RANBP2: variants seen among roughly 807,000 people sequenced by gnomAD.
RANBP2 encodes E3 SUMO-protein ligase RanBP2.
A neutral mutation model predicts 303.6 loss-of-function variants in RANBP2; 57 were observed. That is an observed-to-expected ratio of 0.19 (90% confidence interval 0.15 to 0.23). The LOEUF (loss-of-function observed/expected upper bound fraction) is 0.23, where lower values mean the gene tolerates loss of function less well. RANBP2 is among the 10% of genes least tolerant of loss of function. RANBP2 has a pLI of 1.00. For missense variants in RANBP2, 3,138 were observed against 3,780.8 expected (o/e 0.83, Z 4.46); for synonymous variants, 1,167 against 1,301.5 (o/e 0.90, Z 2.23).
chr2:108,811,247 C>CTTT, the RANBP2 span, among the ~76,000 whole-genome samples: 1 of 113,940 alleles, frequency 8.8e-6, no homozygotes, highest in African/African-American at 3.8e-5. Context: ...TTCTCTCTCT[C>CTTT]TTTTTTTTTT....
chr2:109,055,664 G>T, the RANBP2 span, among the ~76,000 whole-genome samples: 7 of 151,780 alleles, frequency 4.6e-5, no homozygotes, highest in East Asian at 1.2e-3. Flanking sequence ...GATTAAAGGC[G>T]TGAGCCACCA....
the RANBP2 span, among the ~76,000 whole-genome samples, chr2:109,654,732 T>C: frequency 6.6e-6 from 1 of 152,010 alleles, no homozygotes; most frequent in African/African-American, 2.4e-5. Context: ...TTATGCCAGT[T>C]AGGAACCAAT....
the RANBP2 span, among the ~76,000 whole-genome samples, chr2:109,463,368 G>C: frequency 6.6e-6 from 1 of 152,200 alleles, no homozygotes; most frequent in Admixed American, 6.5e-5. Context: ...CACCATGTGG[G>C]CCCTGCCCCC....
the RANBP2 span, among the ~76,000 whole-genome samples, chr2:109,064,478 C>A: frequency 0.26 from 21,077 of 82,080 alleles, 2,027 homozygotes; most frequent in Middle Eastern, 0.31. Context: ...AAAACAAAAA[C>A]AAACTGGTAA....
chr2:109,062,689 G>T, the RANBP2 span, among the ~76,000 whole-genome samples: 1 of 152,276 alleles, frequency 6.6e-6, no homozygotes. Flanking sequence ...TCCGAACAGC[G>T]AATCCTCATG....
chr2:109,167,181 A>G, the RANBP2 span, among the ~76,000 whole-genome samples: 21 of 152,342 alleles, frequency 1.4e-4, no homozygotes, highest in East Asian at 3.9e-3. Flanking sequence ...CATTTTTTCC[A>G]GAACCAGGAT....
chr2:109,170,300 TTCTCTTCTCTTCTCTCCTCTC>T, the RANBP2 span, among the ~76,000 whole-genome samples: 2 of 121,310 alleles, frequency 1.6e-5, no homozygotes, highest in Non-Finnish European at 1.7e-5. Flanking sequence ...TTCTCTTCTC[TTCTCTTCTCTTCTCTCCTCTC>T]TCTCTCTCCT....
intron 17 of RANBP2, 53 bp from the exon 18 acceptor site, chr2:108,758,360 G>C: frequency 6.2e-7 from 1 of 1,607,036 alleles, no homozygotes; most frequent in Non-Finnish European, 8.5e-7. Context: ...CACTGTTTCT[G>C]TCATGATATA....
chr2:109,341,007 A>T, the RANBP2 span, among the ~76,000 whole-genome samples: 3 of 152,370 alleles, frequency 2.0e-5, no homozygotes, highest in South Asian at 6.2e-4. Flanking sequence ...TCACAGTTGC[A>T]TCCACGCAAC....
chr2:109,635,134 T>A, the RANBP2 span, among the ~76,000 whole-genome samples: 2 of 152,110 alleles, frequency 1.3e-5, no homozygotes, highest in Non-Finnish European at 2.9e-5. Flanking sequence ...ACTCCAGTGT[T>A]CAGCAGAAGT....
At chr2:108,730,623 T>C in intron 2 of RANBP2, 151 bp from the exon 3 acceptor site, 2 of 1,078,124 alleles carry the variant, frequency 1.9e-6, no homozygotes, top group Admixed American at 2.3e-5. Context: ...TTTCTATGAG[T>C]ACTTCTGAGT....
chr2:109,500,352 C>T, the RANBP2 span, among the ~76,000 whole-genome samples: 1 of 152,172 alleles, frequency 6.6e-6, no homozygotes, highest in Non-Finnish European at 1.5e-5. Flanking sequence ...GCCCAGAGAG[C>T]CCCTGGGGTG....
the RANBP2 span, among the ~76,000 whole-genome samples, chr2:108,934,782 C>T: frequency 3.3e-5 from 5 of 152,208 alleles, no homozygotes; most frequent in African/African-American, 1.2e-4. Context: ...AGCCTCACGA[C>T]CTCATCACCT....
chr2:108,935,218 T>G, the RANBP2 span, among the ~76,000 whole-genome samples: 1 of 152,216 alleles, frequency 6.6e-6, no homozygotes, highest in African/African-American at 2.4e-5. Context: ...TCAATTCCCA[T>G]CTAGAATGAT....
At chr2:109,629,349 ATATATATTTTTTT>A in the RANBP2 span, among the ~76,000 whole-genome samples, 6 of 6,564 alleles carry the variant, frequency 9.1e-4, no homozygotes, top group African/African-American at 2.6e-3. Flanking sequence ...ATATATATAT[ATATATATTTTTTT>A]TTTTTTTTTC....
At chr2:109,725,242 C>T in the RANBP2 span, among the ~76,000 whole-genome samples, 1 of 152,170 alleles carries the variant, frequency 6.6e-6, no homozygotes, top group Admixed American at 6.5e-5. Flanking sequence ...AGGAGGAGGT[C>T]CTCCCACCTG....
At chr2:109,551,976 G>A in the RANBP2 span, among the ~76,000 whole-genome samples, 629 of 152,332 alleles carry the variant, frequency 4.1e-3, 6 homozygotes, top group African/African-American at 0.014. Flanking sequence ...CTGGTCCATG[G>A]CCTGTTAGGA....
chr2:109,593,408 A>AATTTTTTT, the RANBP2 span, among the ~76,000 whole-genome samples: 2 of 97,122 alleles, frequency 2.1e-5, no homozygotes, highest in African/African-American at 4.5e-5. Context: ...GAGAGAAAGA[A>AATTTTTTT]CTTTTTTTTT....
At chr2:109,187,421 C>A in the RANBP2 span, among the ~76,000 whole-genome samples, 1 of 151,958 alleles carries the variant, frequency 6.6e-6, no homozygotes, top group Non-Finnish European at 1.5e-5. Flanking sequence ...GCCGCACACA[C>A]GTAAATACAG....
Sources: allele counts gnomAD v4.1 joint callset (sites outside exome capture counted in the v4.1 genomes callset), GRCh38; gene constraint gnomAD v4.1.1; transcripts MANE v1.5; gene names NCBI Gene and HGNC (gene_info 2026-07-23, HGNC 2026-07-21).